PTPRB: variants seen among roughly 807,000 people sequenced by gnomAD.
PTPRB encodes protein tyrosine phosphatase receptor type B, also known as receptor-type tyrosine-protein phosphatase beta.
PTPRB carries 97 observed loss-of-function variants against 238.1 expected under a neutral mutation model. The ratio of observed to expected loss-of-function variants is 0.41; its 90% CI spans 0.35 to 0.48. PTPRB has a LOEUF of 0.48. Ranked by LOEUF, PTPRB falls within the 20% of genes least tolerant of loss-of-function variation. PTPRB has a pLI of 0.30. For missense variants in PTPRB, 2,292 were observed against 2,681.9 expected, an observed-to-expected ratio of 0.85 and a Z score of 3.21; for synonymous variants, 970 against 995.4, an observed-to-expected ratio of 0.97 and a Z score of 0.48.
At chr12:70,618,862 G>T (rs965976375) in intron 3 of PTPRB, among the ~76,000 whole-genome samples, 4 of 152,164 alleles carry the variant, frequency 2.6e-5, no homozygotes, top group Non-Finnish European at 5.9e-5. Context: ...TTCATTTACT[G>T]CTCAGGGTTG....
intron 4 of PTPRB, among the ~76,000 whole-genome samples, chr12:70,605,383 C>A (rs11178328): frequency 0.22 from 32,720 of 152,072 alleles, 3,644 homozygotes; most frequent in South Asian, 0.29. Context: ...TCATCCGTGC[C>A]CAGATCCACC....
In PTPRB at chr12:70,590,061, C is replaced by T; in HGVS notation, c.1953G>A (p.Met651Ile). The change falls in exon 8 of 34, where the codon ATG becomes ATA. Residue 651 changes from methionine to isoleucine, a missense_variant. Physicochemically the swap from Met to Ile is conservative, Grantham distance 10. This residue lies in a region of PTPRB where 1,205 missense variants were observed against 1,287.8 expected (regional missense o/e 0.94). Coordinates refer to ENST00000334414, the MANE Select transcript of PTPRB (RefSeq NM_001109754.4). ...TTCCCGGTACGAGCCCCGTGTCATCCATGACATACTGTGTTTCTTCCTTTC... is the reference window on the plus strand; with the variant it reads ...TTCCCGGTACGAGCCCCGTGTCATCTATGACATACTGTGTTTCTTCCTTTC... ...TVGKEETQYV[M>I]DDTGLVPGRQ... is the part of the protein sequence containing the mutation. 1 of 1,613,968 alleles carries T rather than the reference C, an allele frequency of 6.2e-7. No individual in the cohort carries two copies. The highest frequency in any genetic ancestry group is 1.1e-5 in the South Asian group (1 of 91,084).
intron 4 of PTPRB, among the ~76,000 whole-genome samples, chr12:70,607,548 C>CTTTTTT (rs546758555): frequency 3.6e-5 from 5 of 137,110 alleles, no homozygotes; most frequent in Admixed American, 7.4e-5. Flanking sequence ...TTTTCCTTTT[C>CTTTTTT]TTTTTTTTTT....
intron 31 of PTPRB, among the ~76,000 whole-genome samples, 164 bp from the exon 32 acceptor site, chr12:70,532,334 A>ACCCCCCCACAGCCTTCTATCTCTTTC (rs1873395250): frequency 1.5e-5 from 1 of 68,840 alleles, no homozygotes; most frequent in Admixed American, 1.6e-4. Context: ...CCCCAACCCC[A>ACCCCCCCACAGCCTTCTATCTCTTTC]CCCCCCCACA....
intron 2 of PTPRB, among the ~76,000 whole-genome samples, chr12:70,626,350 TCTA>T (rs1237637991): frequency 1.7e-4 from 24 of 142,244 alleles, no homozygotes; most frequent in Middle Eastern, 3.4e-3. Flanking sequence ...TATCTATCTA[TCTA>T]TCTATCTATC....
In PTPRB at chr12:70,565,637, G is replaced by T. The variant is rs559128140; in HGVS notation, c.3904+798C>A. ...TCAGTCAGCTCTTTAAGGACGAGAA[G>T]CATGCCTGATTCATCTTTATGTCCC... On this transcript the variant is annotated intron_variant, in intron 15 of 33. Coordinates refer to ENST00000334414, the MANE Select transcript of PTPRB (RefSeq NM_001109754.4). 3.3e-5 allele frequency among the ~76,000 whole-genome samples: 5 copies of T among 152,294 alleles called. No homozygotes were observed. In the South Asian group the frequency reaches 1.0e-3, roughly 32 times the overall value.
In PTPRB at chr12:70,587,165, G is replaced by T; in HGVS notation, c.2153C>A (p.Ser718Tyr). The T allele has an allele frequency of 1.9e-6, 3 of 1,613,774 alleles. No individual in the cohort carries two copies. The South Asian group carries it at 3.3e-5, about 18-fold the overall frequency. ...PVAEWEKYII[S>Y]LADRDLLLIH... ...CAGTAAGAGGTCTCTGTCAGCTAGG[G>T]AAATGATGTATTTCTCCCATTCTGC... The change falls in exon 9 of 34, where the codon TCC becomes TAC. Residue 718 changes from serine to tyrosine, a missense_variant. By Grantham distance (144) the Ser-to-Tyr change is moderately radical (BLOSUM62 -2). Coordinates refer to ENST00000334414, the MANE Select transcript of PTPRB (RefSeq NM_001109754.4).
rs762265489 is a variant in PTPRB, at chr12:70,572,095, G to C, written c.2843-8C>G. ...CCTGGACTTTGTCAGGCACTGAAAA[G>C]GAAACAGAGAGTAACTAAATATTTA... On this transcript the variant is annotated splice_region_variant and splice_polypyrimidine_tract_variant and intron_variant, in intron 11 of 33. Transcript: ENST00000334414. The C allele has an allele frequency of 6.3e-7, 1 of 1,598,220 alleles. No individual in the cohort carries two copies. The highest frequency in any genetic ancestry group is 8.5e-7 in the Non-Finnish European group (1 of 1,171,120).
intron 30 of PTPRB, 88 bp from the exon 31 acceptor site, chr12:70,534,739 G>T: frequency 6.3e-7 from 1 of 1,597,890 alleles, no homozygotes; most frequent in Non-Finnish European, 8.5e-7. Flanking sequence ...ACTCCTATGG[G>T]CTGAAACTAC....
chr12:70,591,075 C>G (rs1382128332), intron 7 of PTPRB, among the ~76,000 whole-genome samples: 1 of 150,484 alleles, frequency 6.6e-6, no homozygotes, highest in Non-Finnish European at 1.5e-5. Flanking sequence ...GGACCACAGG[C>G]ACATGTCACC....
At chr12:70,539,561 A>G (rs1592420702) in intron 26 of PTPRB, 64 bp downstream of exon 26, 2 of 1,299,970 alleles carry the variant, frequency 1.5e-6, no homozygotes, top group Non-Finnish European at 2.2e-6. Flanking sequence ...GACACAGTAA[A>G]CATTAGGAAG....
Position 70,518,202 on chromosome 12 carries a change from G to A in PTPRB, c.*3287C>T, listed in dbSNP as rs1359479257. The A allele has an allele frequency of 6.6e-6, 1 of 152,174 alleles. No individual in the cohort carries two copies. Among genetic ancestry groups the A allele is most frequent in the Non-Finnish European group, 1.5e-5 (1 of 68,060 alleles). The allele number at this position is 152,174 out of a possible 1,614,324, so 9.4% of individuals were successfully genotyped here. A position where few individuals can be genotyped will look rare whatever the true frequency, so the allele number is the denominator to read the frequency against. On this transcript the variant is annotated 3_prime_UTR_variant, in exon 34 of 34. Coordinates refer to ENST00000334414, the MANE Select transcript of PTPRB (RefSeq NM_001109754.4). ...AATCCTAGCACTTTGGGAGGTTGAG[G>A]TGGGTGGATCACCTAAGGTCACGAG...
chr12:70,592,146 C>G, intron 7 of PTPRB, 136 bp downstream of exon 7: 5 of 1,238,174 alleles, frequency 4.0e-6, no homozygotes, highest in Non-Finnish European at 5.6e-6. Flanking sequence ...GGCCATACTA[C>G]AGACACCTTC....
intron 4 of PTPRB, among the ~76,000 whole-genome samples, chr12:70,599,980 T>G (rs1304808326): frequency 6.6e-6 from 1 of 151,364 alleles, no homozygotes; most frequent in Non-Finnish European, 1.5e-5. Context: ...GACCCTGTTT[T>G]TTTTTTTTTT....
chr12:70,596,696 A>G (rs1424541531), intron 4 of PTPRB, among the ~76,000 whole-genome samples: 1 of 152,222 alleles, frequency 6.6e-6, no homozygotes, highest in Non-Finnish European at 1.5e-5. Flanking sequence ...ATGCCTGGAT[A>G]AATACTGAAG....
In PTPRB at chr12:70,594,660, G is replaced by GGAATCAGGAGA; in HGVS notation, c.1322_1323insTCTCCTGATTC (p.His442LeufsTer15). 1 of 1,613,942 alleles carries GGAATCAGGAGA rather than the reference G, an allele frequency of 6.2e-7. No individual in the cohort carries two copies. Among genetic ancestry groups the GGAATCAGGAGA allele is most frequent in the South Asian group, 1.1e-5 (1 of 91,080 alleles). ...ATCGTTCCACATTCCCAGAACCATG[G>GGAATCAGGAGA]GACCAGGAAATCAGGAGAGAATTGG... is the stretch of plus-strand genomic sequence containing the variant. On this transcript the variant is annotated frameshift_variant, in exon 6 of 34. Coordinates refer to ENST00000334414, the MANE Select transcript of PTPRB (RefSeq NM_001109754.4). LOFTEE classifies it high-confidence loss of function.
At chr12:70,631,892 G>A (rs977133903) in intron 2 of PTPRB, among the ~76,000 whole-genome samples, 2 of 152,154 alleles carry the variant, frequency 1.3e-5, no homozygotes, top group African/African-American at 4.8e-5. Context: ...ACCATCTCTT[G>A]CCAGTTAGAA....
At chr12:70,545,591 A>C (rs903608441) in intron 21 of PTPRB, among the ~76,000 whole-genome samples, 2 of 152,186 alleles carry the variant, frequency 1.3e-5, no homozygotes, top group Non-Finnish European at 2.9e-5. Context: ...AATATGGAGG[A>C]AACAGTGTGT....
In PTPRB at chr12:70,590,112, AG is replaced by A; in HGVS notation, c.1901del (p.Ser634LeufsTer40). 6.2e-7 allele frequency: 1 copy of A among 1,613,988 alleles called. No individual in the cohort carries two copies. Among genetic ancestry groups the A allele is most frequent in the Non-Finnish European group, 8.5e-7 (1 of 1,179,882 alleles). On this transcript the variant is annotated frameshift_variant, in exon 8 of 34. Transcript: ENST00000334414. LOFTEE classifies it high-confidence loss of function. ...EQYRILLFNDSVVLLNITVGK... is the reference protein window; with the variant it reads ...EQYRILLFNDXVVLLNITVGK... ...CCACAGTGATGTTGAGCAGCACCAC[AG>A]AATCATTGAAGAGTAGGATCCGATA...
Sources: allele counts gnomAD v4.1 joint callset (sites outside exome capture counted in the v4.1 genomes callset), GRCh38; gene constraint gnomAD v4.1.1; regional missense constraint gnomAD v4.1.1; transcripts MANE v1.5; gene names NCBI Gene and HGNC (gene_info 2026-07-23, HGNC 2026-07-21).